PTK2B: variants seen among roughly 807,000 people sequenced by gnomAD.
PTK2B encodes protein tyrosine kinase 2 beta, also known as protein-tyrosine kinase 2-beta.
Under a neutral mutation model 142.9 loss-of-function variants are expected in PTK2B, and 71 were observed. The observed-to-expected ratio is 0.50, with a 90% CI of 0.41 to 0.61. PTK2B has a LOEUF of 0.61. Ranked by LOEUF, PTK2B falls within the 20% of genes least tolerant of loss-of-function variation. The pLI is 0.00. For synonymous variants in PTK2B, 519 were observed against 503.4 expected, an observed-to-expected ratio of 1.03 and a Z score of -0.42; for missense variants, 1,105 against 1,320.4, an observed-to-expected ratio of 0.84 and a Z score of 2.53.
At chr8:27,453,297 T>G in intron 28 of PTK2B, 137 bp downstream of exon 28, 1 of 1,200,154 alleles carries the variant, frequency 8.3e-7, no homozygotes, top group Non-Finnish European at 1.2e-6. Context: ...AGCCCGGGGT[T>G]AGGGGGCGGG....
chr8:27,430,747 A>G (rs1257495053), intron 7 of PTK2B, 129 bp from the exon 8 acceptor site: 9 of 1,325,768 alleles, frequency 6.8e-6, no homozygotes, highest in Non-Finnish European at 9.3e-6. Context: ...CATAGATCAC[A>G]GCTGCTTTTG....
At chr8:27,411,829 C>T (rs530872069) in intron 2 of PTK2B, among the ~76,000 whole-genome samples, 43 of 152,336 alleles carry the variant, frequency 2.8e-4, no homozygotes, top group African/African-American at 1.0e-3. Context: ...CCCTTACACC[C>T]CAATTGCAAG....
In PTK2B at chr8:27,458,931, A is replaced by AC. The variant is rs1446421948; in HGVS notation, c.*422_*423insC. The AC allele has an allele frequency of 3.1e-6, 1 of 318,328 alleles. No homozygotes were observed. Among genetic ancestry groups the AC allele is most frequent in the Non-Finnish European group, 5.9e-6 (1 of 169,186 alleles). The allele number at this position is 318,328 out of a possible 1,614,324, so 19.7% of individuals were successfully genotyped here. A position where few individuals can be genotyped will look rare whatever the true frequency, so the allele number is the denominator to read the frequency against. On this transcript the variant is annotated 3_prime_UTR_variant, in exon 31 of 31. Coordinates refer to ENST00000346049, the MANE Select transcript of PTK2B (RefSeq NM_173176.3). ...CTCAGATGTCCCTTGATGCACAGAG[A>AC]AGCTGGGGAGGAGCTTTGTTTTGGG...
intron 1 of PTK2B, among the ~76,000 whole-genome samples, chr8:27,328,695 A>G (rs549441052): frequency 6.6e-6 from 1 of 152,350 alleles, no homozygotes; most frequent in Non-Finnish European, 1.5e-5. Context: ...GATCAAGGTT[A>G]TGATAAGTCC....
chr8:27,318,731 A>G (rs918187448), intron 3 of PTK2B, among the ~76,000 whole-genome samples: 2 of 151,576 alleles, frequency 1.3e-5, no homozygotes, highest in African/African-American at 4.9e-5. Flanking sequence ...GCTCACTGCA[A>G]CCTCCGCCTC....
chr8:27,361,519 C>T (rs1002096106), intron 1 of PTK2B, among the ~76,000 whole-genome samples: 5 of 152,142 alleles, frequency 3.3e-5, no homozygotes, highest in African/African-American at 4.8e-5. Flanking sequence ...CCACCGCAGC[C>T]GGCCTGGATT....
At chr8:27,321,475 G>A (rs112103605), upstream of PTK2B, among the ~76,000 whole-genome samples, 25 of 152,332 alleles carry the variant, frequency 1.6e-4, no homozygotes, top group East Asian at 4.8e-3. Flanking sequence ...TCATGTAAAA[G>A]TTAAACTAGG....
chr8:27,439,952 G>A (rs1811053346), intron 20 of PTK2B, among the ~76,000 whole-genome samples: 1 of 152,144 alleles, frequency 6.6e-6, no homozygotes, highest in East Asian at 1.9e-4. Flanking sequence ...TCCCTCCTAA[G>A]AGAAGACACT....
At chr8:27,440,115 G>GAGGAGGAGGAGGGAC in intron 20 of PTK2B, 122 bp from the exon 21 acceptor site, 1 of 899,564 alleles carries the variant, frequency 1.1e-6, no homozygotes, top group Non-Finnish European at 1.7e-6. Context: ...CAGGGTGCTG[G>GAGGAGGAGGAGGGAC]AGGAGGAGGA....
intron 1 of PTK2B, among the ~76,000 whole-genome samples, chr8:27,372,553 C>A (rs1490171548): frequency 6.6e-6 from 1 of 152,166 alleles, no homozygotes; most frequent in Non-Finnish European, 1.5e-5. Context: ...CTCAGTCTAC[C>A]AACTCAAAAG....
In PTK2B at chr8:27,437,108, C is replaced by T. The variant is rs1197992373; in HGVS notation, c.1342-14C>T. 5.0e-6 allele frequency: 8 copies of T among 1,610,686 alleles called. No homozygotes were observed. Among genetic ancestry groups the T allele is most frequent in the Non-Finnish European group, 5.9e-6 (7 of 1,176,938 alleles). The stretch of plus-strand genomic sequence containing the variant: ...GGGCTGGACCAAGGGGTCCTGAACA[C>T]ACTCTTGTTACAGAAAGGGGAGAAA... On this transcript the variant is annotated splice_polypyrimidine_tract_variant and intron_variant, in intron 15 of 30. Coordinates refer to ENST00000346049, the MANE Select transcript of PTK2B (RefSeq NM_173176.3).
At chr8:27,424,851 T>A (rs1481485331) in intron 5 of PTK2B, among the ~76,000 whole-genome samples, 1 of 144,660 alleles carries the variant, frequency 6.9e-6, no homozygotes, top group Non-Finnish European at 1.5e-5. Flanking sequence ...CACCTGCCTA[T>A]AGATATACAA....
At chr8:27,444,425 A>C (rs1446570073) in intron 23 of PTK2B, among the ~76,000 whole-genome samples, 154 bp downstream of exon 23, 1 of 152,152 alleles carries the variant, frequency 6.6e-6, no homozygotes, top group Non-Finnish European at 1.5e-5. Context: ...CAGAATGCAG[A>C]CTCAGATCAC....
At chr8:27,447,357 C>T (rs1163069564) in intron 24 of PTK2B, among the ~76,000 whole-genome samples, 1 of 152,208 alleles carries the variant, frequency 6.6e-6, no homozygotes, top group Non-Finnish European at 1.5e-5. Context: ...AAGTCTCTTC[C>T]AGGTAGAATG....
intron 1 of PTK2B, among the ~76,000 whole-genome samples, chr8:27,353,232 G>T (rs1456901645): frequency 1.3e-5 from 2 of 152,226 alleles, no homozygotes; most frequent in Admixed American, 1.3e-4. Context: ...CTACATACCA[G>T]TTGGGCTGTT....
chr8:27,395,965 T>TA (rs1282790953), intron 1 of PTK2B: 2 of 152,226 alleles, frequency 1.3e-5, no homozygotes, highest in Non-Finnish European at 2.9e-5. Context: ...TGGATACCTC[T>TA]AGAATAGACA....
At chr8:27,374,186 C>T (rs1480062396) in intron 1 of PTK2B, among the ~76,000 whole-genome samples, 1 of 152,138 alleles carries the variant, frequency 6.6e-6, no homozygotes. Context: ...GTGCAGTGCA[C>T]ATAGACAATA....
At chr8:27,453,404 T>G (rs1484941202) in intron 28 of PTK2B, among the ~76,000 whole-genome samples, 1 of 151,892 alleles carries the variant, frequency 6.6e-6, no homozygotes, top group Non-Finnish European at 1.5e-5. Context: ...AGACTTGGAG[T>G]AGAGCTCCCT....
intron 1 of PTK2B, among the ~76,000 whole-genome samples, chr8:27,379,303 A>T (rs1262633558): frequency 2.0e-5 from 3 of 152,206 alleles, no homozygotes; most frequent in African/African-American, 7.2e-5. Context: ...GTGCAATGGC[A>T]CAGTCATAGC....
Sources: gnomAD v4.1 joint callset for allele counts (sites outside exome capture counted in the v4.1 genomes callset) on GRCh38, gnomAD v4.1.1 for gene constraint, MANE v1.5 for transcripts, NCBI Gene and HGNC (gene_info 2026-07-23, HGNC 2026-07-21) for gene names.